MYO10: variants seen among roughly 807,000 people sequenced by gnomAD.
MYO10 encodes the protein myosin X, also known as unconventional myosin-X.
A neutral mutation model predicts 257.3 loss-of-function variants in MYO10; 133 were observed. The observed-to-expected ratio is 0.52, with a 90% CI of 0.45 to 0.60. The LOEUF is 0.60. Among genes scored for constraint, MYO10 ranks in the 20% least tolerant of loss-of-function variants. The pLI is 0.00. For synonymous variants in MYO10, 1,104 were observed against 1,028.6 expected, an observed-to-expected ratio of 1.07 and a Z score of -1.40; for missense variants, 2,399 against 2,635.7, an observed-to-expected ratio of 0.91 and a Z score of 1.97.
At position 16,690,500 on chromosome 5, in the gene MYO10, T is replaced by C. The variant is rs117964158; in HGVS notation, c.3801-581A>G. Among the ~76,000 whole-genome samples, 57 of 152,242 alleles carry C rather than the reference T, an allele frequency of 3.7e-4. 1 individual carries two copies. In the East Asian group the frequency reaches 0.011, roughly 30 times the overall value. On this transcript the variant is annotated intron_variant, in intron 27 of 40. Transcript: ENST00000513610. Reference sequence around the variant, plus strand: ...CCAGGGATAGCAGGGTTCCCCTGACTTCTCTAGGGGAGAGGCTCTCTCCCC... The same window carrying C: ...CCAGGGATAGCAGGGTTCCCCTGACCTCTCTAGGGGAGAGGCTCTCTCCCC...
chr5:16,706,375 T>C (rs764562581), intron 21 of MYO10, among the ~76,000 whole-genome samples: 1 of 152,174 alleles, frequency 6.6e-6, no homozygotes, highest in Non-Finnish European at 1.5e-5. Context: ...GTAATCATCA[T>C]TAAAGATGTT....
At chr5:16,869,779 C>T (rs915804568) in intron 2 of MYO10, among the ~76,000 whole-genome samples, 1 of 151,122 alleles carries the variant, frequency 6.6e-6, no homozygotes, top group African/African-American at 2.5e-5. Context: ...GCAGAAGAAT[C>T]GCTTGAACGC....
Position 16,666,002 on chromosome 5 carries a change from T to C in MYO10, c.*690A>G, listed in dbSNP as rs1312871479. Reference sequence around the variant, plus strand: ...ACTATAGCTCTGCATTATTAAAATATACAGACTGTGTACACCATTACACAT... The same window carrying C: ...ACTATAGCTCTGCATTATTAAAATACACAGACTGTGTACACCATTACACAT... On this transcript the variant is annotated 3_prime_UTR_variant, in exon 41 of 41. Transcript: ENST00000513610. 6.6e-6 allele frequency: 1 copy of C among 152,636 alleles called. No homozygotes were observed. The highest frequency in any genetic ancestry group is 2.4e-5 in the African/African-American group (1 of 41,428). The allele number at this position is 152,636 out of a possible 1,614,324, so 9.5% of individuals were successfully genotyped here. A position where few individuals can be genotyped will look rare whatever the true frequency, so the allele number is the denominator to read the frequency against.
intron 2 of MYO10, among the ~76,000 whole-genome samples, chr5:16,837,039 G>A (rs1395551237): frequency 3.3e-5 from 5 of 152,164 alleles, no homozygotes; most frequent in Non-Finnish European, 5.9e-5. Flanking sequence ...GGCAGGGAGA[G>A]GTGGCTCACA....
chr5:16,856,012 C>T (rs867078457), intron 2 of MYO10, among the ~76,000 whole-genome samples: 30 of 152,158 alleles, frequency 2.0e-4, no homozygotes, highest in African/African-American at 6.8e-4. Flanking sequence ...ACGTCTGAAA[C>T]GAAGCAACTG....
intron 1 of MYO10, among the ~76,000 whole-genome samples, chr5:16,893,633 C>CAAAAAAAA (rs58021066): frequency 1.4e-4 from 8 of 57,244 alleles, no homozygotes; most frequent in African/African-American, 2.4e-4. Context: ...GACTCTGTCT[C>CAAAAAAAA]AAAAAAAAAA....
chr5:16,860,890 G>T (rs969770270), intron 2 of MYO10, among the ~76,000 whole-genome samples: 3 of 151,532 alleles, frequency 2.0e-5, no homozygotes, highest in African/African-American at 7.3e-5. Flanking sequence ...AAAAACAAAG[G>T]CCTCGTTAGC....
chr5:16,782,128 G>T (rs980804938), intron 5 of MYO10, among the ~76,000 whole-genome samples: 4 of 152,102 alleles, frequency 2.6e-5, no homozygotes, highest in African/African-American at 9.7e-5. Context: ...ACAATCCAGG[G>T]ACTGCACAGA....
At position 16,761,564 on chromosome 5, in the gene MYO10, G is replaced by C; in HGVS notation, c.1657-18C>G. The C allele has an allele frequency of 6.3e-7, 1 of 1,581,624 alleles. No homozygotes were observed. On this transcript the variant is annotated intron_variant, in intron 16 of 40. Coordinates refer to ENST00000513610, the MANE Select transcript of MYO10 (RefSeq NM_012334.3). Reference sequence around the variant, plus strand: ...TATTGCACCTAGTTTTAATAAATAAGAGAGGAGAAAACTGATTGAAAGAAT... The same window carrying C: ...TATTGCACCTAGTTTTAATAAATAACAGAGGAGAAAACTGATTGAAAGAAT...
chr5:16,810,154 A>C (rs17651095), intron 3 of MYO10, among the ~76,000 whole-genome samples: 13,545 of 152,144 alleles, frequency 0.089, 1,012 homozygotes, highest in East Asian at 0.2. Flanking sequence ...CTGGGTACAT[A>C]ATAATTTGAG....
intron 2 of MYO10, among the ~76,000 whole-genome samples, chr5:16,838,862 T>C (rs1275345139): frequency 6.6e-6 from 1 of 152,234 alleles, no homozygotes; most frequent in Non-Finnish European, 1.5e-5. Context: ...TACTCATCTC[T>C]ATAAACGGAA....
intron 1 of MYO10, among the ~76,000 whole-genome samples, chr5:16,920,062 C>G (rs249125): frequency 0.82 from 123,926 of 151,512 alleles, 51,124 homozygotes; most frequent in African/African-American, 0.92. Context: ...GGTAAGCTGA[C>G]ATTGTGCCAC....
chr5:16,889,478 AGAAGGAAGGAAGGAAG>A (rs151266743), intron 1 of MYO10, among the ~76,000 whole-genome samples: 2,022 of 131,982 alleles, frequency 0.015, 42 homozygotes, highest in African/African-American at 0.025. Flanking sequence ...AAGAAAAGAA[AGAAGGAAGGAAGGAAG>A]GAAGGAAGGA....
In MYO10 at chr5:16,856,449, C is replaced by T. The variant is rs529345012; in HGVS notation, c.120+21160G>A. On this transcript the variant is annotated intron_variant, in intron 2 of 40. Transcript: ENST00000513610. ...CCTGTAATCCCAGCTACTCAGGAGG[C>T]CAAGGCAGGAGAATCGCTTGAACCT... 3.9e-5 allele frequency among the ~76,000 whole-genome samples: 6 copies of T among 152,010 alleles called. No homozygotes were observed. The South Asian group carries it at 1.2e-3, about 32-fold the overall frequency.
chr5:16,924,531 G>A (rs1017643263), intron 1 of MYO10, among the ~76,000 whole-genome samples: 2 of 151,976 alleles, frequency 1.3e-5, no homozygotes, highest in South Asian at 4.2e-4. Flanking sequence ...TCCACTCCCG[G>A]GAAATTTTAC....
chr5:16,816,415 A>G (rs1742610547), intron 3 of MYO10, among the ~76,000 whole-genome samples: 1 of 151,238 alleles, frequency 6.6e-6, no homozygotes, highest in Non-Finnish European at 1.5e-5. Context: ...CCATAAATAT[A>G]TAATTCTTTC....
chr5:16,732,951 T>C (rs182137084), intron 19 of MYO10, among the ~76,000 whole-genome samples: 26 of 152,270 alleles, frequency 1.7e-4, no homozygotes, highest in African/African-American at 5.8e-4. Context: ...CTGGCCAACA[T>C]GGCAAAACCC....
intron 1 of MYO10, among the ~76,000 whole-genome samples, chr5:16,921,729 A>G (rs541698881): frequency 7.2e-5 from 11 of 152,184 alleles, no homozygotes; most frequent in African/African-American, 2.6e-4. Context: ...GACATGATAC[A>G]GTTGTTCTCA....
chr5:16,778,688 GTTTTTTTTTTT>G (rs55880979), intron 9 of MYO10, among the ~76,000 whole-genome samples: 8 of 107,552 alleles, frequency 7.4e-5, no homozygotes, highest in African/African-American at 2.9e-4. Context: ...CTTTGCTGAG[GTTTTTTTTTTT>G]TTTTTTTTTT....
Sources: allele counts gnomAD v4.1 joint callset (sites outside exome capture counted in the v4.1 genomes callset), GRCh38; gene constraint gnomAD v4.1.1; transcripts MANE v1.5; gene names NCBI Gene and HGNC (gene_info 2026-07-23, HGNC 2026-07-21).